The following SNAP91 variants were observed in gnomAD, a reference collection of about 807,000 sequenced individuals.
The protein encoded by SNAP91 is clathrin coat assembly protein AP180.
In SNAP91, 27 loss-of-function variants were observed where a neutral mutation model predicts 100.3. That is an observed-to-expected ratio of 0.27 (90% CI 0.20 to 0.37). The LOEUF (loss-of-function observed/expected upper bound fraction) is 0.37. Ranked by LOEUF, SNAP91 falls within the 10% of genes least tolerant of loss-of-function variation. SNAP91 has a pLI of 1.00. For synonymous variants in SNAP91, 404 were observed against 398.6 expected (o/e 1.01, Z -0.16); for missense variants, 986 against 1,123.7 (o/e 0.88, Z 1.75).
chr6:83,588,346 T>C (rs2093156874), intron 22 of SNAP91, among the ~76,000 whole-genome samples: 1 of 151,916 alleles, frequency 6.6e-6, no homozygotes, highest in African/African-American at 2.4e-5. Flanking sequence ...ACTGAAAGAG[T>C]CACAAGAAGA....
Position 83,592,477 on chromosome 6 carries a change from T to C in SNAP91, c.1908A>G (p.Ser636=), listed in dbSNP as rs2093904802. ...CACCCCCAAAAAGGTCTATGACACC[T>C]GAAGAATCCACCTTTGCTGGCGAGG... ...TTASPAKVDS[S]GVIDLFGDAF... The change falls in exon 21 of 30, where the codon TCA becomes TCG. Residue 636 remains serine, a synonymous_variant. Transcript: ENST00000369694. 2 of 1,612,346 alleles carry C rather than the reference T, an allele frequency of 1.2e-6. No homozygotes were observed. Among genetic ancestry groups the C allele is most frequent in the Non-Finnish European group, 1.7e-6 (2 of 1,179,146 alleles).
At chr6:83,691,193 A>T (rs1302910231) in intron 2 of SNAP91, among the ~76,000 whole-genome samples, 2 of 152,158 alleles carry the variant, frequency 1.3e-5, no homozygotes, top group African/African-American at 4.8e-5. Context: ...TGTACCTGGT[A>T]AATTAGTTTA....
At position 83,556,394 on chromosome 6, in the gene SNAP91, A is replaced by G. The variant is rs60958851; in HGVS notation, c.2632-149T>C. 94 of 435,278 alleles carry G rather than the reference A, an allele frequency of 2.2e-4. 6 individuals are homozygous for G. In the African/African-American group the frequency reaches 2.3e-3, roughly 11 times the overall value. 27.0% of individuals were successfully genotyped at this position (435,278 alleles called of 1,614,324 possible). A position where few individuals can be genotyped will look rare whatever the true frequency, so the allele number is the denominator to read the frequency against. On this transcript the variant is annotated intron_variant, in intron 28 of 29. Transcript: ENST00000369694. Reference sequence around the variant, plus strand: ...GAGAGAGAGAGAGAGAGAGAGAGAGAGAAAAGCATTAGGCAGAACACATAT... The same window carrying G: ...GAGAGAGAGAGAGAGAGAGAGAGAGGGAAAAGCATTAGGCAGAACACATAT...
intron 14 of SNAP91, among the ~76,000 whole-genome samples, chr6:83,603,902 T>C (rs1374198837): frequency 6.6e-6 from 1 of 152,216 alleles, no homozygotes; most frequent in African/African-American, 2.4e-5. Flanking sequence ...TTTCTAACTT[T>C]AAAGGCTAAA....
At chr6:83,705,722 A>T (rs1351055710) in intron 2 of SNAP91, among the ~76,000 whole-genome samples, 1 of 152,032 alleles carries the variant, frequency 6.6e-6, no homozygotes, top group African/African-American at 2.4e-5. Context: ...GAGGCAGGAG[A>T]ATCACTCGAA....
intron 2 of SNAP91, among the ~76,000 whole-genome samples, chr6:83,684,331 T>A (rs2099031762): frequency 6.6e-6 from 1 of 152,134 alleles, no homozygotes; most frequent in Non-Finnish European, 1.5e-5. Context: ...GCCACCCACC[T>A]TCCATTACTT....
intron 8 of SNAP91, among the ~76,000 whole-genome samples, chr6:83,634,277 C>G (rs1365331702): frequency 6.6e-6 from 1 of 152,062 alleles, no homozygotes; most frequent in Non-Finnish European, 1.5e-5. Flanking sequence ...CTTCTTCTAT[C>G]CCTGTATTTT....
chr6:83,608,434 T>A (rs2095785407), intron 12 of SNAP91, among the ~76,000 whole-genome samples: 1 of 152,204 alleles, frequency 6.6e-6, no homozygotes, highest in Non-Finnish European at 1.5e-5. Context: ...AATAGTCAAT[T>A]AATATATTAC....
At chr6:83,631,328 G>A (rs1048442538) in intron 8 of SNAP91, among the ~76,000 whole-genome samples, 4 of 152,052 alleles carry the variant, frequency 2.6e-5, no homozygotes, top group Admixed American at 1.3e-4. Flanking sequence ...GTTGATGGAT[G>A]GAATGTTCTA....
At chr6:83,634,066 C>T (rs924963800) in intron 8 of SNAP91, among the ~76,000 whole-genome samples, 1 of 151,996 alleles carries the variant, frequency 6.6e-6, no homozygotes, top group African/African-American at 2.4e-5. Context: ...CAAACCTGCA[C>T]GTTGTGCACA....
intron 11 of SNAP91, among the ~76,000 whole-genome samples, chr6:83,612,957 A>T (rs1459499638): frequency 6.6e-6 from 1 of 151,934 alleles, no homozygotes; most frequent in African/African-American, 2.4e-5. Context: ...TACCTAAAAT[A>T]TTATAACTTC....
chr6:83,650,769 C>T (rs1032169435), intron 7 of SNAP91, among the ~76,000 whole-genome samples: 1 of 152,094 alleles, frequency 6.6e-6, no homozygotes, highest in African/African-American at 2.4e-5. Context: ...TAATGCTGGC[C>T]TCATAAAAGG....
intron 12 of SNAP91, among the ~76,000 whole-genome samples, chr6:83,608,599 T>G (rs1351263593): frequency 6.6e-6 from 1 of 151,962 alleles, no homozygotes; most frequent in Non-Finnish European, 1.5e-5. Context: ...GGAAGATTCA[T>G]GAAGACCAAG....
intron 22 of SNAP91, among the ~76,000 whole-genome samples, chr6:83,585,632 C>T (rs1395291276): frequency 6.6e-6 from 1 of 151,800 alleles, no homozygotes; most frequent in African/African-American, 2.4e-5. Context: ...TACACTATAA[C>T]TGAAGAGCCA....
intron 5 of SNAP91, among the ~76,000 whole-genome samples, chr6:83,659,333 A>G (rs2098481498): frequency 6.6e-6 from 1 of 152,086 alleles, no homozygotes; most frequent in African/African-American, 2.4e-5. Context: ...GAAGAAAGCA[A>G]TCGGGTCTGG....
intron 7 of SNAP91, among the ~76,000 whole-genome samples, chr6:83,652,943 T>C (rs9444097): frequency 0.065 from 9,922 of 152,238 alleles, 1,036 homozygotes; most frequent in African/African-American, 0.22. Context: ...GTTTGTGAAG[T>C]GAAGTCATAC....
At chr6:83,601,501 C>T in intron 15 of SNAP91, 63 bp from the exon 16 acceptor site, 1 of 1,610,850 alleles carries the variant, frequency 6.2e-7, no homozygotes, top group Non-Finnish European at 8.5e-7. Context: ...AAAGATATAC[C>T]AGACTCCAAA....
chr6:83,616,959 T>G lies in SNAP91; in HGVS notation c.878+10A>C. Reference sequence around the variant, plus strand: ...TTTCATCTTATTTAGAATATACAACTAATGCGTACTTGTTTCCAGGTTTCT... The same window carrying G: ...TTTCATCTTATTTAGAATATACAACGAATGCGTACTTGTTTCCAGGTTTCT... On this transcript the variant is annotated intron_variant, in intron 10 of 29. Coordinates refer to ENST00000369694, the MANE Select transcript of SNAP91 (RefSeq NM_001242792.2). The G allele has an allele frequency of 6.6e-7, 1 of 1,515,168 alleles. No individual in the cohort carries two copies. The highest frequency in any genetic ancestry group is 1.2e-5 in the South Asian group (1 of 82,620). The allele number at this position is 1,515,168 out of a possible 1,614,324, so 93.9% of individuals were successfully genotyped here.
At chr6:83,655,511 A>G (rs922390337) in intron 7 of SNAP91, among the ~76,000 whole-genome samples, 1 of 152,194 alleles carries the variant, frequency 6.6e-6, no homozygotes, top group Non-Finnish European at 1.5e-5. Flanking sequence ...GAGTAGGGCT[A>G]TGTCTTCTTC....
Sources: gnomAD v4.1 joint callset for allele counts (sites outside exome capture counted in the v4.1 genomes callset) on GRCh38, gnomAD v4.1.1 for gene constraint, MANE v1.5 for transcripts, NCBI Gene and HGNC (gene_info 2026-07-23, HGNC 2026-07-21) for gene names.